The following TMEM117 variants were observed in gnomAD, a reference collection of about 807,000 sequenced individuals.
TMEM117 encodes the protein transmembrane protein 117.
In TMEM117, 27 loss-of-function variants were observed where a neutral mutation model predicts 52.4. The ratio of observed to expected loss-of-function variants is 0.51; its 90% CI spans 0.38 to 0.71. TMEM117 has a LOEUF of 0.71. TMEM117 is among the 30% of genes least tolerant of loss of function. The pLI is 0.00. For synonymous variants in TMEM117, 215 were observed against 206.3 expected, an observed-to-expected ratio of 1.04 and a Z score of -0.36; for missense variants, 556 against 630.5, an observed-to-expected ratio of 0.88 and a Z score of 1.26.
the TMEM117 span, chr12:43,804,110 T>C: frequency 6.2e-6 from 2 of 321,766 alleles, no homozygotes; most frequent in South Asian, 2.4e-5. Flanking sequence ...ATATCCTTTG[T>C]TTATATTTAA....
intron 5 of TMEM117, among the ~76,000 whole-genome samples, chr12:44,267,443 A>T (rs1592652112): frequency 6.6e-6 from 1 of 152,180 alleles, no homozygotes; most frequent in Admixed American, 6.5e-5. Flanking sequence ...ACACTGTGAA[A>T]CCATCAACCA....
chr12:43,920,598 T>G (rs1004057506), intron 2 of TMEM117, among the ~76,000 whole-genome samples: 2 of 141,510 alleles, frequency 1.4e-5, no homozygotes, highest in African/African-American at 5.2e-5. Context: ...TTGCCCAGGC[T>G]GGAGTGGAGT....
At chr12:44,357,162 C>G (rs1008141902) in intron 6 of TMEM117, among the ~76,000 whole-genome samples, 7 of 152,128 alleles carry the variant, frequency 4.6e-5, no homozygotes, top group African/African-American at 1.7e-4. Flanking sequence ...CAACAGAGAA[C>G]AAAATCACCT....
intron 3 of TMEM117, among the ~76,000 whole-genome samples, chr12:44,051,552 A>G (rs1409212560): frequency 6.6e-6 from 1 of 152,182 alleles, no homozygotes; most frequent in Non-Finnish European, 1.5e-5. Context: ...TTCACTAAAT[A>G]TTTCCTGTCC....
chr12:44,309,405 G>A (rs188261891), intron 6 of TMEM117, among the ~76,000 whole-genome samples: 1 of 152,208 alleles, frequency 6.6e-6, no homozygotes, highest in African/African-American at 2.4e-5. Context: ...TTGTCCAAGA[G>A]GCTCAGTGTC....
chr12:44,272,984 A>G (rs1950465624), intron 5 of TMEM117, among the ~76,000 whole-genome samples: 1 of 152,226 alleles, frequency 6.6e-6, no homozygotes, highest in Non-Finnish European at 1.5e-5. Context: ...ATGTCCAACA[A>G]TGATAGATTG....
intron 3 of TMEM117, among the ~76,000 whole-genome samples, chr12:43,978,849 C>G (rs1426236117): frequency 6.6e-6 from 1 of 151,758 alleles, no homozygotes; most frequent in Non-Finnish European, 1.5e-5. Flanking sequence ...GGTATGTGAG[C>G]AAAAATCTCA....
intron 4 of TMEM117, among the ~76,000 whole-genome samples, chr12:44,210,725 G>C (rs770587986): frequency 6.6e-6 from 1 of 152,144 alleles, no homozygotes; most frequent in African/African-American, 2.4e-5. Context: ...GGCCTCGGAA[G>C]ATGGGCAGAA....
chr12:44,279,372 T>C (rs1645080179), intron 5 of TMEM117, among the ~76,000 whole-genome samples: 1 of 152,188 alleles, frequency 6.6e-6, no homozygotes, highest in African/African-American at 2.4e-5. Context: ...TTAAATAAAT[T>C]ATCCAAATAA....
At chr12:44,089,531 C>G (rs560956294) in intron 3 of TMEM117, among the ~76,000 whole-genome samples, 1 of 152,296 alleles carries the variant, frequency 6.6e-6, no homozygotes, top group Admixed American at 6.5e-5. Context: ...CCCCTACCAC[C>G]TTAAGCCAGG....
intron 5 of TMEM117, among the ~76,000 whole-genome samples, chr12:44,242,166 A>G (rs575825594): frequency 4.6e-4 from 70 of 151,366 alleles, no homozygotes; most frequent in African/African-American, 1.6e-3. Context: ...ATTCAAGGGT[A>G]CATGTGCAGG....
intron 3 of TMEM117, among the ~76,000 whole-genome samples, chr12:43,945,429 T>A (rs1209083393): frequency 6.6e-6 from 1 of 152,016 alleles, no homozygotes; most frequent in East Asian, 2.0e-4. Context: ...CCAGCAATTC[T>A]CCTTCCTCAG....
chr12:43,860,457 G>A (rs1379057962), intron 2 of TMEM117, among the ~76,000 whole-genome samples: 2 of 152,288 alleles, frequency 1.3e-5, no homozygotes, highest in Middle Eastern at 3.4e-3. Flanking sequence ...ATATCAGAGG[G>A]TGATAAATGC....
At chr12:43,918,615 T>C (rs1944643324) in intron 2 of TMEM117, among the ~76,000 whole-genome samples, 1 of 152,218 alleles carries the variant, frequency 6.6e-6, no homozygotes, top group East Asian at 1.9e-4. Context: ...TCTTTGAATT[T>C]ATTTTCCTTT....
chr12:44,078,419 A>C lies in TMEM117; in HGVS notation c.411-65106A>C, dbSNP rs528949438. Among the ~76,000 whole-genome samples the C allele has an allele frequency of 1.4e-4, 22 of 152,196 alleles. 1 individual carries two copies. The highest frequency in any genetic ancestry group is 1.0e-4 in the Non-Finnish European group (7 of 68,040). On this transcript the variant is annotated intron_variant, in intron 3 of 7. Coordinates refer to ENST00000266534, the MANE Select transcript of TMEM117 (RefSeq NM_032256.3). ...ACGTTCTAGGAAAGTGGCTGTCCCC[A>C]GCTGGATACAGCATTTCGACAGCAT...
At chr12:44,119,320 A>G (rs1322033871) in intron 3 of TMEM117, among the ~76,000 whole-genome samples, 2 of 152,324 alleles carry the variant, frequency 1.3e-5, no homozygotes, top group East Asian at 1.9e-4. Flanking sequence ...TATGTAGTGA[A>G]AAGCTGACCA....
At chr12:44,140,652 A>G (rs1948558110) in intron 3 of TMEM117, among the ~76,000 whole-genome samples, 1 of 152,110 alleles carries the variant, frequency 6.6e-6, no homozygotes. Flanking sequence ...TCCTTTGTTA[A>G]GTGGAGACAG....
At chr12:43,916,916 G>A (rs961444744) in intron 2 of TMEM117, among the ~76,000 whole-genome samples, 1 of 151,888 alleles carries the variant, frequency 6.6e-6, no homozygotes, top group African/African-American at 2.4e-5. Context: ...TCCTCCCAGT[G>A]GTCCATCCTT....
intron 3 of TMEM117, among the ~76,000 whole-genome samples, chr12:44,128,969 A>AGGGT (rs1294365876): frequency 2.0e-5 from 3 of 152,272 alleles, no homozygotes; most frequent in South Asian, 4.1e-4. Flanking sequence ...TAGGGTCACT[A>AGGGT]GGGTCTGTGT....
Sources: gnomAD v4.1 joint callset for allele counts (sites outside exome capture counted in the v4.1 genomes callset) on GRCh38, gnomAD v4.1.1 for gene constraint, MANE v1.5 for transcripts, NCBI Gene and HGNC (gene_info 2026-07-23, HGNC 2026-07-21) for gene names.